CACNA1A: variants seen among roughly 807,000 people sequenced by gnomAD.
CACNA1A encodes the protein calcium voltage-gated channel subunit alpha1 A, also known as voltage-dependent P/Q-type calcium channel subunit alpha-1A.
In CACNA1A, 57 loss-of-function variants were observed where a neutral mutation model predicts 262.4. The observed-to-expected ratio is 0.22, with a 90% CI of 0.18 to 0.27. CACNA1A has a LOEUF of 0.27. CACNA1A is among the 10% of genes least tolerant of loss of function. The probability of loss-of-function intolerance (pLI) is 1.00; values close to 1 mark genes in which losing one functional copy is unlikely to be tolerated. For missense variants in CACNA1A, 2,526 were observed against 3,562.8 expected (o/e 0.71, Z 7.41); for synonymous variants, 1,431 against 1,419.3 (o/e 1.01, Z -0.18).
rs2056515373 is a variant in CACNA1A, at chr19:13,255,265, GGA to G, written c.4591-8_4591-7del. 2.5e-6 allele frequency: 4 copies of G among 1,586,714 alleles called. No individual in the cohort carries two copies. The highest frequency in any genetic ancestry group is 1.1e-5 in the South Asian group (1 of 88,906). On this transcript the variant is annotated splice_polypyrimidine_tract_variant and splice_region_variant and intron_variant, in intron 28 of 46. Transcript: ENST00000360228. ...GCGAAATCAATGCAGGCCCTCTGCG[GGA>G]GAGAGGCCAGTGGTGAGAGCGGCAG...
intron 3 of CACNA1A, among the ~76,000 whole-genome samples, chr19:13,410,373 T>C (rs1018348555): frequency 6.6e-6 from 1 of 151,858 alleles, no homozygotes; most frequent in East Asian, 1.9e-4. Context: ...ACCACAGGCA[T>C]GCACCACCAT....
chr19:13,486,201 G>A (rs2145103169), intron 1 of CACNA1A, among the ~76,000 whole-genome samples: 1 of 152,362 alleles, frequency 6.6e-6, no homozygotes, highest in Non-Finnish European at 1.5e-5. Context: ...ATCTCCAATA[G>A]TGGTTCCTCC....
chr19:13,486,746 GTC>G (rs1360144096), intron 1 of CACNA1A, among the ~76,000 whole-genome samples: 1 of 151,484 alleles, frequency 6.6e-6, no homozygotes, highest in East Asian at 1.9e-4. Context: ...TTCCATCTTT[GTC>G]TCTCTCTCTT....
chr19:13,479,685 C>T (rs1979021375), intron 1 of CACNA1A, among the ~76,000 whole-genome samples: 1 of 152,236 alleles, frequency 6.6e-6, no homozygotes, highest in Admixed American at 6.5e-5. Context: ...CACCTTCACT[C>T]TTCATGTCTT....
At chr19:13,397,350 G>A (rs898182619) in intron 3 of CACNA1A, among the ~76,000 whole-genome samples, 23 of 152,184 alleles carry the variant, frequency 1.5e-4, no homozygotes, top group African/African-American at 5.6e-4. Context: ...GGCAAATCCT[G>A]AGAGCTGGAA....
chr19:13,324,709 A>ACAACAC (rs112857303), intron 10 of CACNA1A, among the ~76,000 whole-genome samples: 4 of 146,824 alleles, frequency 2.7e-5, no homozygotes, highest in African/African-American at 1.1e-4. Context: ...CTCAACAACA[A>ACAACAC]CATCAACAAC....
At chr19:13,391,160 C>T (rs1344230481) in intron 3 of CACNA1A, among the ~76,000 whole-genome samples, 1 of 152,202 alleles carries the variant, frequency 6.6e-6, no homozygotes, top group Non-Finnish European at 1.5e-5. Context: ...GCTGGGATTA[C>T]AGGCGTGAGC....
At chr19:13,407,475 G>T (rs2060031808) in intron 3 of CACNA1A, among the ~76,000 whole-genome samples, 2 of 152,164 alleles carry the variant, frequency 1.3e-5, no homozygotes, top group African/African-American at 4.8e-5. Flanking sequence ...CTTGTTACAA[G>T]AATTAAATGA....
At chr19:13,459,523 T>C (rs2061076650) in intron 1 of CACNA1A, among the ~76,000 whole-genome samples, 1 of 152,304 alleles carries the variant, frequency 6.6e-6, no homozygotes, top group Non-Finnish European at 1.5e-5. Context: ...GCTTTCTGCC[T>C]CTGAGCTGAC....
chr19:13,265,794 C>A (rs1305596671), intron 24 of CACNA1A, among the ~76,000 whole-genome samples: 2 of 151,856 alleles, frequency 1.3e-5, no homozygotes, highest in Non-Finnish European at 2.9e-5. Flanking sequence ...TTCCTTTTAA[C>A]AAAGAGCCCA....
At chr19:13,248,299 G>A (rs765703960) in intron 30 of CACNA1A, among the ~76,000 whole-genome samples, 9 of 151,740 alleles carry the variant, frequency 5.9e-5, no homozygotes, top group Non-Finnish European at 8.8e-5. Flanking sequence ...GGGGAGACCA[G>A]GCGTGGTGGC....
rs1177886035 is a variant in CACNA1A, at chr19:13,223,008, A to G, written c.5731+1659T>C. On this transcript the variant is annotated intron_variant, in intron 38 of 46. Transcript: ENST00000360228. ...GCGCCCAGCCCCTTCTCAGCTTTAA[A>G]AAAAATGTTTTTTTCTTTTTCTTTC... 3.3e-5 allele frequency among the ~76,000 whole-genome samples: 5 copies of G among 151,870 alleles called. No individual in the cohort carries two copies. The East Asian group carries it at 7.8e-4, about 24-fold the overall frequency.
chr19:13,432,067 T>G (rs929225707), intron 3 of CACNA1A, among the ~76,000 whole-genome samples: 19 of 133,442 alleles, frequency 1.4e-4, no homozygotes, highest in Middle Eastern at 4.5e-3. Context: ...ATCATGCCAC[T>G]GCACTCCAGC....
chr19:13,491,790 T>G (rs1980916522), intron 1 of CACNA1A, among the ~76,000 whole-genome samples: 1 of 152,170 alleles, frequency 6.6e-6, no homozygotes, highest in Non-Finnish European at 1.5e-5. Flanking sequence ...GAGCCATGAT[T>G]GCACCACTGT....
intron 3 of CACNA1A, among the ~76,000 whole-genome samples, chr19:13,391,479 T>TAA (rs576210497): frequency 2.6e-5 from 4 of 152,172 alleles, no homozygotes; most frequent in African/African-American, 4.8e-5. Flanking sequence ...GAAGCCCTCT[T>TAA]AAAGTACAGT....
intron 10 of CACNA1A, among the ~76,000 whole-genome samples, chr19:13,320,059 C>T (rs1309293934): frequency 6.6e-6 from 1 of 152,172 alleles, no homozygotes; most frequent in Non-Finnish European, 1.5e-5. Context: ...AGACCCTTCC[C>T]CTCATGTCCA....
intron 29 of CACNA1A, 39 bp from the exon 30 acceptor site, chr19:13,253,140 A>AGG: frequency 7.5e-7 from 1 of 1,333,468 alleles, no homozygotes; most frequent in Non-Finnish European, 1.1e-6. Flanking sequence ...GTCAGCGAGC[A>AGG]GGGGTGGGAA....
chr19:13,460,660 C>G lies in CACNA1A; in HGVS notation c.294-5448G>C, dbSNP rs1257012259. On this transcript the variant is annotated intron_variant, in intron 1 of 46. Transcript: ENST00000360228. ...CCTCCCCTCATCTCCTCTATTCTCT[C>G]CCTTAGTCACTCAGCTACAGCAACG... Among the ~76,000 whole-genome samples the G allele has an allele frequency of 2.6e-5, 4 of 152,186 alleles. No homozygotes were observed. The East Asian group carries it at 5.8e-4, about 22-fold the overall frequency.
chr19:13,384,978 T>A (rs1568594601), intron 3 of CACNA1A, among the ~76,000 whole-genome samples: 1 of 152,072 alleles, frequency 6.6e-6, no homozygotes, highest in Non-Finnish European at 1.5e-5. Flanking sequence ...AAGTTGATGA[T>A]GTATCTCTTG....
Sources: allele counts gnomAD v4.1 joint callset (sites outside exome capture counted in the v4.1 genomes callset), GRCh38; gene constraint gnomAD v4.1.1; transcripts MANE v1.5; gene names NCBI Gene and HGNC (gene_info 2026-07-23, HGNC 2026-07-21).